The following ACTR3C variants were observed in gnomAD, a reference collection of about 807,000 sequenced individuals.
ACTR3C encodes actin-related protein 3C.
A neutral mutation model predicts 26.3 loss-of-function variants in ACTR3C; 18 were observed. The ratio of observed to expected loss-of-function variants is 0.68; its 90% CI spans 0.47 to 1.01. The LOEUF is 1.01. ACTR3C is among the 50% of genes least tolerant of loss of function. The pLI is 0.00. For missense variants in ACTR3C, 184 were observed against 250.7 expected, an observed-to-expected ratio of 0.73 and a Z score of 1.80; for synonymous variants, 55 against 94.5, an observed-to-expected ratio of 0.58 and a Z score of 2.42.
the ACTR3C span, among the ~76,000 whole-genome samples, chr7:149,933,993 T>C: frequency 7.3e-6 from 1 of 137,076 alleles, no homozygotes; most frequent in Admixed American, 7.3e-5. Flanking sequence ...CAGATTCCGG[T>C]GTTAAGTTCC....
At chr7:150,221,016 G>C in the ACTR3C span, among the ~76,000 whole-genome samples, 1 of 150,922 alleles carries the variant, frequency 6.6e-6, no homozygotes, top group Non-Finnish European at 1.5e-5. Context: ...AGGAACCACT[G>C]CACAGGCGAA....
chr7:150,228,098 T>C, the ACTR3C span, among the ~76,000 whole-genome samples: 1 of 152,208 alleles, frequency 6.6e-6, no homozygotes, highest in Admixed American at 6.5e-5. Flanking sequence ...TCTGGGATAA[T>C]TGACATCTTA....
the ACTR3C span, among the ~76,000 whole-genome samples, chr7:150,055,410 T>C: frequency 6.6e-6 from 1 of 152,096 alleles, no homozygotes; most frequent in Non-Finnish European, 1.5e-5. Flanking sequence ...GCTTATACAT[T>C]TAAAGGATTG....
chr7:150,123,197 C>T, the ACTR3C span, among the ~76,000 whole-genome samples: 115 of 151,930 alleles, frequency 7.6e-4, 5 homozygotes, highest in South Asian at 0.023. Flanking sequence ...ACAAACTGCA[C>T]ATTCTGCACC....
At chr7:150,041,662 A>C in the ACTR3C span, among the ~76,000 whole-genome samples, 1 of 115,112 alleles carries the variant, frequency 8.7e-6, no homozygotes, top group Non-Finnish European at 1.8e-5. Flanking sequence ...TGAGGGTAGC[A>C]ACAGCCGGGG....
the ACTR3C span, among the ~76,000 whole-genome samples, chr7:150,049,029 C>G: frequency 1.3e-5 from 2 of 152,088 alleles, no homozygotes; most frequent in Non-Finnish European, 2.9e-5. Context: ...GCAACTTTTC[C>G]AAAGCCTGCG....
At chr7:149,884,177 G>A in the ACTR3C span, among the ~76,000 whole-genome samples, 1 of 152,196 alleles carries the variant, frequency 6.6e-6, no homozygotes, top group Non-Finnish European at 1.5e-5. Flanking sequence ...TTATCTGTGT[G>A]CTGGAAGTGA....
the ACTR3C span, among the ~76,000 whole-genome samples, chr7:150,188,633 G>T: frequency 1.3e-4 from 19 of 151,730 alleles, no homozygotes; most frequent in African/African-American, 4.6e-4. Flanking sequence ...GGAAGTGAGG[G>T]GAGGGGATTG....
the ACTR3C span, among the ~76,000 whole-genome samples, chr7:150,014,193 C>A: frequency 6.6e-6 from 1 of 152,130 alleles, no homozygotes; most frequent in Admixed American, 6.6e-5. Flanking sequence ...CGGTGGCTCA[C>A]GCCTGTAATC....
chr7:150,277,532 T>C (rs1351823156), intron 6 of ACTR3C, among the ~76,000 whole-genome samples: 2 of 152,170 alleles, frequency 1.3e-5, no homozygotes, highest in African/African-American at 2.4e-5. Flanking sequence ...AATCTCTATG[T>C]CTGGCCCAGA....
chr7:150,148,637 G>T, the ACTR3C span, among the ~76,000 whole-genome samples: 1 of 152,118 alleles, frequency 6.6e-6, no homozygotes, highest in African/African-American at 2.4e-5. Flanking sequence ...CTAGATAAAT[G>T]TGTCATTGTT....
the ACTR3C span, among the ~76,000 whole-genome samples, chr7:150,080,291 T>G: frequency 6.6e-6 from 1 of 151,114 alleles, no homozygotes; most frequent in Non-Finnish European, 1.5e-5. Context: ...CCCTTCTTTC[T>G]ACTTCCCTCT....
rs1349473230 is a variant in ACTR3C at position 150,259,281 on chromosome 7, GAAAGAAAGAA to G, written c.565-10237_565-10228del. ...AAGAGAAAGAAGAAAGAAAAAGAAA[GAAAGAAAGAA>G]AAAGAAAGAAAGAAAGAAAAAGAGA... On this transcript the variant is annotated intron_variant, in intron 6 of 7. Transcript: ENST00000683684. Among the ~76,000 whole-genome samples the G allele has an allele frequency of 8.5e-4, 123 of 144,750 alleles. 1 individual carries two copies. Among genetic ancestry groups the G allele is most frequent in the African/African-American group, 3.0e-3 (118 of 38,738 alleles). The allele number at this position is 144,750 out of a possible 152,430, so 95.0% of individuals were successfully genotyped here.
At chr7:150,003,453 G>C in the ACTR3C span, among the ~76,000 whole-genome samples, 6 of 152,274 alleles carry the variant, frequency 3.9e-5, no homozygotes, top group South Asian at 1.2e-3. Context: ...ACTGTGGGGT[G>C]TGTAGTATGT....
At chr7:150,051,333 T>A in the ACTR3C span, among the ~76,000 whole-genome samples, 8 of 148,742 alleles carry the variant, frequency 5.4e-5, no homozygotes, top group African/African-American at 2.0e-4. Context: ...TGATGTATAA[T>A]TAATTCAATT....
chr7:150,149,454 C>A, the ACTR3C span, among the ~76,000 whole-genome samples: 22 of 151,186 alleles, frequency 1.5e-4, no homozygotes, highest in Non-Finnish European at 1.9e-4. Flanking sequence ...ATTAACTCGT[C>A]GTTTACATTA....
At chr7:150,295,131 G>A (rs1460953495) in intron 2 of ACTR3C, 121 bp downstream of exon 2, 6 of 1,184,294 alleles carry the variant, frequency 5.1e-6, no homozygotes, top group Admixed American at 2.4e-5. Flanking sequence ...GGACGGGGGA[G>A]GGAGTGGAAA....
chr7:150,029,454 G>C, the ACTR3C span, among the ~76,000 whole-genome samples: 1 of 150,278 alleles, frequency 6.7e-6, no homozygotes, highest in African/African-American at 2.5e-5. Context: ...GTGGTGGCAT[G>C]CACTTGACAG....
the ACTR3C span, among the ~76,000 whole-genome samples, chr7:150,096,926 G>T: frequency 1.3e-5 from 2 of 152,154 alleles, no homozygotes; most frequent in Non-Finnish European, 2.9e-5. Context: ...GCATGGAGCA[G>T]CCCTGCTCAG....
Sources: gnomAD v4.1 joint callset for allele counts (sites outside exome capture counted in the v4.1 genomes callset) on GRCh38, gnomAD v4.1.1 for gene constraint, MANE v1.5 for transcripts, NCBI Gene and HGNC (gene_info 2026-07-23, HGNC 2026-07-21) for gene names.